Variants in GPS1 observed in about 807,000 individuals in gnomAD.
GPS1 encodes G protein pathway suppressor 1.
Under a neutral mutation model 60.0 loss-of-function variants are expected in GPS1, and 11 were observed. The ratio of observed to expected loss-of-function variants is 0.18; its 90% CI spans 0.12 to 0.30. The LOEUF is 0.30. Ranked by LOEUF, GPS1 falls within the 10% of genes least tolerant of loss-of-function variation. The pLI is 1.00. For synonymous variants in GPS1, 343 were observed against 269.8 expected, an observed-to-expected ratio of 1.27 and a Z score of -2.66; for missense variants, 543 against 669.2, an observed-to-expected ratio of 0.81 and a Z score of 2.08.
chr17:82,051,257 C>G, upstream of GPS1: 1 of 1,343,484 alleles, frequency 7.4e-7, no homozygotes. The surrounding 1 kb of genome is among the most constrained non-coding windows in gnomAD (Gnocchi z 4.1). Context: ...GCTCGGGGGG[C>G]AGATCCCGCG....
intron 3 of GPS1, 125 bp from the exon 4 acceptor site, chr17:82,054,385 G>A: frequency 7.8e-7 from 1 of 1,275,494 alleles, no homozygotes; most frequent in Non-Finnish European, 1.0e-6. Flanking sequence ...GGGGTTTGAG[G>A]CCAGCGGGAG....
rs765618346 is a variant in GPS1 at position 82,056,984 on chromosome 17, C to T, written c.1389+10C>T. 1.6e-5 allele frequency: 25 copies of T among 1,612,462 alleles called. No homozygotes were observed. Among genetic ancestry groups the T allele is most frequent in the Admixed American group, 3.3e-5 (2 of 59,996 alleles). ...CCAGATCCATGTCAAGGTGGGCTGG[C>T]TTGAGGGGGGGCAGGCGCACGGCGT... On this transcript the variant is annotated intron_variant, in intron 12 of 12. Transcript: ENST00000578552.
upstream of GPS1, chr17:82,050,954 G>C (rs1024563935): frequency 5.6e-6 from 8 of 1,426,092 alleles, no homozygotes; most frequent in Non-Finnish European, 7.3e-6. Flanking sequence ...GGCTGAAGCA[G>C]GCGGCCATCG....
At chr17:82,055,699 A>ACCCCCCCCCCCCCCCCCC in intron 6 of GPS1, 41 bp from the exon 7 acceptor site, 1 of 1,017,784 alleles carries the variant, frequency 9.8e-7, no homozygotes, top group East Asian at 2.6e-5. Context: ...CTGGGGTCTT[A>ACCCCCCCCCCCCCCCCCC]CCCCCTCTCC....
intron 8 of GPS1, 38 bp from the exon 9 acceptor site, chr17:82,056,248 A>G (rs1197965589): frequency 6.8e-7 from 1 of 1,463,062 alleles, no homozygotes; most frequent in African/African-American, 1.4e-5. Context: ...AGGGAGGGGC[A>G]GGCAGAGGAC....
chr17:82,053,839 G>A (rs1394263226), intron 2 of GPS1, 29 bp from the exon 3 acceptor site: 1 of 1,588,736 alleles, frequency 6.3e-7, no homozygotes. Flanking sequence ...CTCCCATCCT[G>A]CCTGACTCTT....
upstream of GPS1, chr17:82,051,423 G>C: frequency 2.9e-6 from 4 of 1,386,264 alleles, no homozygotes; most frequent in South Asian, 7.1e-5. This position sits in a 1 kb window ranked among gnomAD's most constrained non-coding sequence, Gnocchi z 4.1. Context: ...GCCTCCGGGG[G>C]CCTGGGCCGG....
intron 1 of GPS1, chr17:82,052,983 C>T (rs1005593606): frequency 4.3e-5 from 12 of 281,188 alleles, no homozygotes; most frequent in East Asian, 6.4e-5. Context: ...GTTGGTTGTC[C>T]CCTGTCTGCT....
At position 82,056,538 on chromosome 17, in the gene GPS1, T is replaced by C. The variant is rs771557649; in HGVS notation, c.1104T>C (p.Arg368=). 1 of 1,613,064 alleles carries C rather than the reference T, an allele frequency of 6.2e-7. No individual in the cohort carries two copies. Among genetic ancestry groups the C allele is most frequent in the South Asian group, 1.1e-5 (1 of 91,080 alleles). ...VRTLYTQIRN[R]ALIQYFSPYV... The stretch of plus-strand genomic sequence containing the variant: ...CCCTGTACACCCAGATTCGCAACCG[T>C]GCCCTCATCCAGGTAAGCGTGGGGG... Residue 368 remains arginine, a synonymous_variant, in exon 10 of 13, where the codon CGT becomes CGC. Transcript: ENST00000578552.
chr17:82,052,160 G>GGGGGCCGCCGGGCC (rs2030859280), intron 1 of GPS1, 196 bp downstream of exon 1: 1 of 1,151,132 alleles, frequency 8.7e-7, no homozygotes, highest in Admixed American at 2.9e-5. Flanking sequence ...CGCTGCGATC[G>GGGGGCCGCCGGGCC]GGGGCCGCCG....
chr17:82,054,966 G>T lies in GPS1; in HGVS notation c.678G>T (p.Glu226Asp), dbSNP rs944434291. 1 of 1,613,032 alleles carries T rather than the reference G, an allele frequency of 6.2e-7. No homozygotes were observed. Among genetic ancestry groups the T allele is most frequent in the African/African-American group, 1.3e-5 (1 of 75,060 alleles). Residue 226 changes from glutamate to aspartate, a missense_variant, in exon 5 of 13, where the codon GAG (glutamate) becomes GAT (aspartate). This residue lies in a region of GPS1 where 291 missense variants were observed against 353.7 expected (regional missense o/e 0.82). Coordinates refer to ENST00000578552, the MANE Select transcript of GPS1 (RefSeq NM_001321092.3). ...SYVSKAESTP[E>D]IAEQRGERDS... ...TCAGCAAGGCTGAGTCCACCCCAGAGATTGCCGAGGTACGGGCCACCTCCT... is the reference window on the plus strand; with the variant it reads ...TCAGCAAGGCTGAGTCCACCCCAGATATTGCCGAGGTACGGGCCACCTCCT...
At chr17:82,055,259 C>A in intron 6 of GPS1, 37 bp downstream of exon 6, 1 of 1,547,182 alleles carries the variant, frequency 6.5e-7, no homozygotes, top group South Asian at 1.2e-5. Flanking sequence ...ACCCCACGTT[C>A]CCCTGTTGCT....
At chr17:82,055,518 C>T (rs2032384557) in intron 6 of GPS1, 1 of 607,254 alleles carries the variant, frequency 1.6e-6, no homozygotes, top group East Asian at 2.7e-5. Flanking sequence ...TAGGGCTTCC[C>T]TGCATGCCTG....
rs759446578 is a variant in GPS1 at position 82,056,644 on chromosome 17, G to A, written c.1132G>A (p.Val378Met). The change falls in exon 11 of 13, where the codon GTG becomes ATG. Residue 378 changes from valine to methionine, a missense_variant. Val to Met is a conservative substitution (Grantham distance 21, BLOSUM62 1). Coordinates refer to ENST00000578552, the MANE Select transcript of GPS1 (RefSeq NM_001321092.3). ...TGCCCTGCAGTATTTCAGCCCCTAC[G>A]TGTCAGCCGACATGCATAGGATGGC... Reference protein sequence around the residue: ...RALIQYFSPYVSADMHRMAAA... With the variant: ...RALIQYFSPYMSADMHRMAAA... The A allele has an allele frequency of 1.2e-6, 2 of 1,609,338 alleles. No individual in the cohort carries two copies. Among genetic ancestry groups the A allele is most frequent in the Non-Finnish European group, 1.7e-6 (2 of 1,177,894 alleles).
At position 82,054,645 on chromosome 17, in the gene GPS1, C is replaced by T. The variant is rs752974709; in HGVS notation, c.444C>T (p.Tyr148=). ...LEKLDTDLKN[Y]KGNSIKESIR... ...AGCTGGACACAGACCTGAAGAACTA[C>T]AAGGGCAACTCCATCAAAGAGAGCA... The change falls in exon 4 of 13, where the codon TAC becomes TAT. Residue 148 remains tyrosine (Y), a synonymous_variant. Coordinates refer to ENST00000578552, the MANE Select transcript of GPS1 (RefSeq NM_001321092.3). 19 of 1,610,656 alleles carry T rather than the reference C, an allele frequency of 1.2e-5. No homozygotes were observed. In the East Asian group the frequency reaches 3.6e-4, roughly 30 times the overall value.
chr17:82,051,189 C>T (rs1479930790), upstream of GPS1: 10 of 1,305,524 alleles, frequency 7.7e-6, no homozygotes, highest in Non-Finnish European at 8.8e-6. The surrounding 1 kb of genome is among the most constrained non-coding windows in gnomAD (Gnocchi z 4.1). Context: ...GCCTCGGGAG[C>T]CTGGGCAGAG....
At chr17:82,055,888 A>G (rs2032558322) in intron 7 of GPS1, 63 bp downstream of exon 7, 2 of 1,459,974 alleles carry the variant, frequency 1.4e-6, no homozygotes, top group Middle Eastern at 1.7e-4. Flanking sequence ...CTGCTTCTGT[A>G]GGAGGGTGAG....
At position 82,056,706 on chromosome 17, in the gene GPS1, C is replaced by T. The variant is rs754375886; in HGVS notation, c.1194C>T (p.Asp398=). The change falls in exon 11 of 13, where the codon GAC becomes GAT. Residue 398 remains aspartate (D), a synonymous_variant. Coordinates refer to ENST00000578552, the MANE Select transcript of GPS1 (RefSeq NM_001321092.3). ...ATACCACGGTGGCCGCCCTGGAGGA[C>T]GAGCTGACGCAGCTAATCCTGGAGG... ...AFNTTVAALE[D]ELTQLILEGL... is the part of the protein sequence containing the mutation. The T allele has an allele frequency of 6.9e-6, 11 of 1,591,484 alleles. No individual in the cohort carries two copies. Among genetic ancestry groups the T allele is most frequent in the Admixed American group, 6.8e-5 (4 of 58,544 alleles).
upstream of GPS1, chr17:82,051,257 C>A: frequency 7.4e-7 from 1 of 1,343,484 alleles, no homozygotes; most frequent in Non-Finnish European, 9.6e-7. The surrounding 1 kb of genome is among the most constrained non-coding windows in gnomAD (Gnocchi z 4.1). Context: ...GCTCGGGGGG[C>A]AGATCCCGCG....
Sources: allele counts gnomAD v4.1 joint callset, GRCh38; gene constraint gnomAD v4.1.1; regional missense constraint gnomAD v4.1.1; non-coding constraint Gnocchi (gnomAD v3.1); transcripts MANE v1.5; gene names NCBI Gene and HGNC (gene_info 2026-07-23, HGNC 2026-07-21).